Variants in FARP2 observed in about 807,000 individuals in gnomAD.
The protein encoded by FARP2 is FERM, ARHGEF and pleckstrin domain-containing protein 2.
Under a neutral mutation model 130.5 loss-of-function variants are expected in FARP2, and 111 were observed. That is an observed-to-expected ratio of 0.85 (90% confidence interval 0.73 to 1.00). The LOEUF (loss-of-function observed/expected upper bound fraction) is 1.00. Among genes scored for constraint, FARP2 ranks in the 50% least tolerant of loss-of-function variants. FARP2 has a pLI of 0.00. For synonymous variants in FARP2, 504 were observed against 516.9 expected, an observed-to-expected ratio of 0.98 and a Z score of 0.34; for missense variants, 1,385 against 1,346.3, an observed-to-expected ratio of 1.03 and a Z score of -0.45.
At chr2:241,457,409 C>A (rs1323687240) in intron 14 of FARP2, among the ~76,000 whole-genome samples, 2 of 143,208 alleles carry the variant, frequency 1.4e-5, no homozygotes, top group African/African-American at 5.3e-5. Flanking sequence ...TCCGGAGAGG[C>A]TCTTGGGCAG....
At chr2:241,478,899 T>C in intron 19 of FARP2, 1 of 397,034 alleles carries the variant, frequency 2.5e-6, no homozygotes, top group African/African-American at 2.1e-5. Context: ...TTCCTCTATG[T>C]GGTGTCCAAG....
chr2:241,491,688 G>C lies in FARP2; in HGVS notation c.2787+9G>C. The C allele has an allele frequency of 6.3e-7, 1 of 1,582,978 alleles. No homozygotes were observed. Among genetic ancestry groups the C allele is most frequent in the South Asian group, 1.1e-5 (1 of 86,972 alleles). The stretch of plus-strand genomic sequence containing the variant: ...ACAGTGCAGCTGTCGAGGTACGACC[G>C]CATGAGCACCACCTCAGTGCATCTG... On this transcript the variant is annotated intron_variant, in intron 24 of 26. Transcript: ENST00000264042.
intron 19 of FARP2, chr2:241,479,125 C>CT (rs1429908920): frequency 4.7e-6 from 2 of 428,964 alleles, no homozygotes; most frequent in East Asian, 8.1e-5. Context: ...GGTGTGAATC[C>CT]TTTTGTGCTT....
At chr2:241,437,121 T>C (rs1574823488) in intron 12 of FARP2, among the ~76,000 whole-genome samples, 1 of 152,378 alleles carries the variant, frequency 6.6e-6, no homozygotes, top group African/African-American at 2.4e-5. Context: ...CTTAGTAGGA[T>C]TTTTTGTTAA....
At chr2:241,455,453 T>A (rs1045462439) in intron 13 of FARP2, among the ~76,000 whole-genome samples, 2 of 152,234 alleles carry the variant, frequency 1.3e-5, no homozygotes, top group African/African-American at 4.8e-5. Context: ...CAACCTCAGC[T>A]CACTGCAACC....
intron 2 of FARP2, among the ~76,000 whole-genome samples, chr2:241,382,644 G>T (rs1196516230): frequency 6.6e-6 from 1 of 152,164 alleles, no homozygotes; most frequent in Non-Finnish European, 1.5e-5. Context: ...AGAAGTGGAG[G>T]TTCTTCATCA....
Position 241,434,328 on chromosome 2 carries a change from G to T in FARP2, c.1031+7G>T, listed in dbSNP as rs201484729. On this transcript the variant is annotated splice_region_variant and intron_variant, in intron 10 of 26. Transcript: ENST00000264042. ...GCTCCTCCTTCAGATACAGGTAGGGGCCATGCCGTGGCTTGCATGGGCCCC... is the reference window on the plus strand; with the variant it reads ...GCTCCTCCTTCAGATACAGGTAGGGTCCATGCCGTGGCTTGCATGGGCCCC... The T allele has an allele frequency of 1.3e-6, 2 of 1,590,752 alleles. No homozygotes were observed. Among genetic ancestry groups the T allele is most frequent in the African/African-American group, 2.7e-5 (2 of 73,514 alleles).
chr2:241,484,930 G>A lies in FARP2; in HGVS notation c.2421+599G>A, dbSNP rs115499215. Among the ~76,000 whole-genome samples the A allele has an allele frequency of 4.7e-3, 714 of 152,236 alleles. 3 individuals are homozygous for A. Among genetic ancestry groups the A allele is most frequent in the African/African-American group, 0.016 (684 of 41,520 alleles). ...GGTACAGACAGGTAGCCAAGTCCAGGACTTGCCATAAGGATGTGCCATTCG... is the reference window on the plus strand; with the variant it reads ...GGTACAGACAGGTAGCCAAGTCCAGAACTTGCCATAAGGATGTGCCATTCG... On this transcript the variant is annotated intron_variant, in intron 21 of 26. Coordinates refer to ENST00000264042, the MANE Select transcript of FARP2 (RefSeq NM_014808.4).
intron 17 of FARP2, 23 bp downstream of exon 17, chr2:241,464,003 C>G (rs1363427747): frequency 1.3e-6 from 2 of 1,592,278 alleles, no homozygotes; most frequent in Non-Finnish European, 1.7e-6. Context: ...GTGACTACTG[C>G]CTACATGAAT....
Position 241,413,379 on chromosome 2 carries a change from A to G in FARP2, c.581A>G (p.Gln194Arg), listed in dbSNP as rs1221280769. 9 of 1,612,460 alleles carry G rather than the reference A, an allele frequency of 5.6e-6. No individual in the cohort carries two copies. The highest frequency in any genetic ancestry group is 6.8e-6 in the Non-Finnish European group (8 of 1,179,454). Residue 194 changes from glutamine to arginine, a missense_variant, in exon 7 of 27, where the codon CAG (glutamine) becomes CGG (arginine). Physicochemically the swap from Gln to Arg is conservative, Grantham distance 43. Transcript: ENST00000264042. ...GTGAACGAGTATTTGCCTGGCCAGC[A>G]GCACTGCCTTGAGAAGATACTAGAA... Reference protein sequence around the residue: ...LKVNEYLPGQQHCLEKILEFH... With the variant: ...LKVNEYLPGQRHCLEKILEFH...
Position 241,494,074 on chromosome 2 carries a change from C to T in FARP2, c.3114C>T (p.Gly1038=). The T allele has an allele frequency of 6.9e-7, 1 of 1,443,254 alleles. No homozygotes were observed. The highest frequency in any genetic ancestry group is 9.1e-7 in the Non-Finnish European group (1 of 1,102,376). The allele number at this position is 1,443,254 out of a possible 1,614,324, so 89.4% of individuals were successfully genotyped here. The change falls in exon 27 of 27, where the codon GGC becomes GGT. Residue 1038 remains glycine, a synonymous_variant. Transcript: ENST00000264042. The surrounding 1 kb of genome is among the most constrained non-coding windows in gnomAD (Gnocchi z 4.9). ...GGGCCCCAAGCATCGTGCAGGATGG[C>T]CCCCAACCCTCCTCAGGGCTGGAGG... ...AGRAPSIVQD[G]PQPSSGLEGM... is the part of the protein sequence containing the mutation.
At chr2:241,472,198 C>T (rs367758412) in intron 18 of FARP2, among the ~76,000 whole-genome samples, 3,377 of 65,270 alleles carry the variant, frequency 0.052, no homozygotes, top group Admixed American at 0.17. Flanking sequence ...GGATGCTGTT[C>T]CATGGGAACC....
At chr2:241,418,324 T>C (rs1436966558) in intron 8 of FARP2, among the ~76,000 whole-genome samples, 4 of 152,154 alleles carry the variant, frequency 2.6e-5, no homozygotes, top group African/African-American at 9.7e-5. Flanking sequence ...CTGTCCTCCA[T>C]GTCATGGAGC....
intron 17 of FARP2, among the ~76,000 whole-genome samples, chr2:241,467,641 CAAA>C (rs397957562): frequency 6.3e-5 from 7 of 111,986 alleles, no homozygotes; most frequent in Admixed American, 5.6e-4. Context: ...GATCCAGTCT[CAAA>C]AAAAAAAAAA....
chr2:241,411,206 T>TTGC (rs2062509698), intron 6 of FARP2, 76 bp downstream of exon 6: 2 of 1,002,716 alleles, frequency 2.0e-6, no homozygotes, highest in Non-Finnish European at 3.1e-6. Context: ...CTACAATTAG[T>TTGC]TGCTGATGTA....
At chr2:241,478,889 T>C (rs980182496) in intron 19 of FARP2, 1 of 394,518 alleles carries the variant, frequency 2.5e-6, no homozygotes, top group Non-Finnish European at 4.9e-6. Flanking sequence ...TCAGGCCAAG[T>C]TCCTCTATGT....
intron 13 of FARP2, among the ~76,000 whole-genome samples, chr2:241,450,495 G>A (rs577981293): frequency 3.3e-5 from 5 of 151,556 alleles, no homozygotes; most frequent in South Asian, 4.2e-4. Flanking sequence ...GTGAAACCCC[G>A]TCTCTACTAA....
intron 2 of FARP2, among the ~76,000 whole-genome samples, chr2:241,384,083 C>T (rs926694982): frequency 6.7e-6 from 1 of 150,114 alleles, no homozygotes; most frequent in African/African-American, 2.4e-5. Flanking sequence ...TATTCTGACA[C>T]TTGGCATTCA....
chr2:241,402,876 ATATATTTTTTTT>A (rs1332419053), intron 2 of FARP2, among the ~76,000 whole-genome samples: 324 of 10,442 alleles, frequency 0.031, 29 homozygotes, highest in Admixed American at 0.2. Flanking sequence ...ATATATATAT[ATATATTTTTTTT>A]TTTTTTTTTT....
Sources: allele counts gnomAD v4.1 joint callset (sites outside exome capture counted in the v4.1 genomes callset), GRCh38; gene constraint gnomAD v4.1.1; non-coding constraint Gnocchi (gnomAD v3.1); transcripts MANE v1.5; gene names NCBI Gene and HGNC (gene_info 2026-07-23, HGNC 2026-07-21).